Variants in NEGR1 observed in about 807,000 individuals in gnomAD.
NEGR1 encodes neuronal growth regulator 1, also known as IgLON family member 4.
A neutral mutation model predicts 40.9 loss-of-function variants in NEGR1; 10 were observed. The ratio of observed to expected loss-of-function variants is 0.24; its 90% CI spans 0.15 to 0.42. NEGR1 has a LOEUF of 0.42. NEGR1 is among the 10% of genes least tolerant of loss of function. NEGR1 has a pLI of 1.00. For missense variants in NEGR1, 352 were observed against 438.9 expected, an observed-to-expected ratio of 0.80 and a Z score of 1.77; for synonymous variants, 185 against 166.8, an observed-to-expected ratio of 1.11 and a Z score of -0.84.
chr1:71,939,328 C>T (rs1269259842), intron 1 of NEGR1, among the ~76,000 whole-genome samples: 2 of 152,116 alleles, frequency 1.3e-5, no homozygotes, highest in Admixed American at 6.6e-5. Context: ...CTGTCTCTTT[C>T]CACTAGAAGC....
chr1:71,959,550 C>T (rs1055508280), intron 1 of NEGR1, among the ~76,000 whole-genome samples: 1 of 152,030 alleles, frequency 6.6e-6, no homozygotes, highest in Non-Finnish European at 1.5e-5. Flanking sequence ...TCTGGACATA[C>T]TAGGTATAAT....
At chr1:72,278,443 G>A (rs527893550) in intron 1 of NEGR1, among the ~76,000 whole-genome samples, 7 of 152,174 alleles carry the variant, frequency 4.6e-5, no homozygotes, top group African/African-American at 9.6e-5. Context: ...GAGAATGTTC[G>A]TAGTATTGTT....
chr1:71,529,239 T>C (rs1647288591), intron 6 of NEGR1, among the ~76,000 whole-genome samples: 1 of 151,264 alleles, frequency 6.6e-6, no homozygotes. Flanking sequence ...CGAATTAATG[T>C]TTATTAAATG....
chr1:72,155,687 G>A (rs978947322), intron 1 of NEGR1, among the ~76,000 whole-genome samples: 1 of 151,920 alleles, frequency 6.6e-6, no homozygotes, highest in African/African-American at 2.4e-5. Flanking sequence ...ATCTTTACAG[G>A]CAGAATGATA....
intron 5 of NEGR1, among the ~76,000 whole-genome samples, chr1:71,604,161 A>G (rs1650009596): frequency 6.6e-6 from 1 of 152,108 alleles, no homozygotes; most frequent in Non-Finnish European, 1.5e-5. Context: ...TATATGTGCT[A>G]TCTAGCATTT....
chr1:71,880,251 T>C (rs1381509370), intron 2 of NEGR1, among the ~76,000 whole-genome samples: 3 of 151,990 alleles, frequency 2.0e-5, no homozygotes, highest in Non-Finnish European at 4.4e-5. Context: ...ATTTAAATAT[T>C]TTATTTATAT....
chr1:71,782,859 T>G (rs1046482143), intron 2 of NEGR1, among the ~76,000 whole-genome samples: 1 of 152,308 alleles, frequency 6.6e-6, no homozygotes, highest in East Asian at 1.9e-4. Context: ...GCATAATATT[T>G]TCTTAGTCCT....
At position 72,008,683 on chromosome 1, in the gene NEGR1, A is replaced by T. The variant is rs75356905; in HGVS notation, c.177-73372T>A. 6.3e-3 allele frequency among the ~76,000 whole-genome samples: 955 copies of T among 152,244 alleles called. 15 individuals carry two copies. The highest frequency in any genetic ancestry group is 0.022 in the African/African-American group (912 of 41,556). ...GTTTAGCCTTGGCCTATGTAATTAC[A>T]TTGGTACAACACCTTGAATAGTCCC... On this transcript the variant is annotated intron_variant, in intron 1 of 6. Coordinates refer to ENST00000357731, the MANE Select transcript of NEGR1 (RefSeq NM_173808.3).
intron 4 of NEGR1, among the ~76,000 whole-genome samples, chr1:71,617,381 T>C (rs911334328): frequency 3.3e-5 from 5 of 152,216 alleles, no homozygotes; most frequent in African/African-American, 9.7e-5. Flanking sequence ...GGTTGATGAA[T>C]CTACTGATGT....
rs182401570 is a variant in NEGR1, at chr1:72,071,991, T to C, written c.177-136680A>G. Among the ~76,000 whole-genome samples, 316 of 152,264 alleles carry C rather than the reference T, an allele frequency of 2.1e-3. 4 individuals are homozygous for C. The highest frequency in any genetic ancestry group is 7.5e-3 in the African/African-American group (310 of 41,566). On this transcript the variant is annotated intron_variant, in intron 1 of 6. Transcript: ENST00000357731. ...AAACTCCTCAGTTAGTCTTATTTCT[T>C]GTCAGTCACTTATGCAAAAAGCAAA...
chr1:71,865,502 G>T (rs1210028576), intron 2 of NEGR1, among the ~76,000 whole-genome samples: 1 of 152,004 alleles, frequency 6.6e-6, no homozygotes, highest in Non-Finnish European at 1.5e-5. Context: ...ACCAAACACC[G>T]CCTGTTCTCA....
intron 1 of NEGR1, among the ~76,000 whole-genome samples, chr1:72,091,873 G>A (rs1247650089): frequency 6.6e-6 from 1 of 152,050 alleles, no homozygotes; most frequent in Non-Finnish European, 1.5e-5. Context: ...ATAAGAAGCT[G>A]CCATCTCACT....
chr1:71,964,959 C>T (rs1225357473), intron 1 of NEGR1, among the ~76,000 whole-genome samples: 2 of 151,970 alleles, frequency 1.3e-5, no homozygotes, highest in Non-Finnish European at 2.9e-5. Flanking sequence ...AGATGATAAT[C>T]AATAATTGTT....
At chr1:71,833,414 T>C (rs1341075224) in intron 2 of NEGR1, among the ~76,000 whole-genome samples, 7 of 152,036 alleles carry the variant, frequency 4.6e-5, no homozygotes, top group Admixed American at 2.0e-4. Flanking sequence ...AAAAATTATA[T>C]ACTGTGAAAG....
chr1:71,916,887 T>G (rs1178343489), intron 2 of NEGR1, among the ~76,000 whole-genome samples: 1 of 152,236 alleles, frequency 6.6e-6, no homozygotes, highest in Non-Finnish European at 1.5e-5. Context: ...ATAGGTAGTG[T>G]TTTTATTCTG....
intron 1 of NEGR1, among the ~76,000 whole-genome samples, chr1:71,955,643 T>A (rs1479187992): frequency 6.6e-6 from 1 of 152,200 alleles, no homozygotes; most frequent in African/African-American, 2.4e-5. Flanking sequence ...CAGCAAATTT[T>A]ACTAGTTTTA....
chr1:72,028,759 C>T (rs1045930445), intron 1 of NEGR1, among the ~76,000 whole-genome samples: 2 of 152,098 alleles, frequency 1.3e-5, no homozygotes, highest in African/African-American at 4.8e-5. Context: ...TAAACTTTAC[C>T]ACTTTGTTTC....
chr1:71,674,666 C>A (rs976884262), intron 4 of NEGR1, among the ~76,000 whole-genome samples: 1 of 151,290 alleles, frequency 6.6e-6, no homozygotes, highest in African/African-American at 2.4e-5. Flanking sequence ...TGTGATGTTC[C>A]GGTTAGCTTT....
intron 2 of NEGR1, among the ~76,000 whole-genome samples, chr1:71,876,924 G>A (rs933911740): frequency 6.6e-6 from 1 of 152,046 alleles, no homozygotes; most frequent in African/African-American, 2.4e-5. Context: ...CTGAATTTTG[G>A]AGACTGGGTC....
Sources: allele counts gnomAD v4.1 joint callset (sites outside exome capture counted in the v4.1 genomes callset), GRCh38; gene constraint gnomAD v4.1.1; transcripts MANE v1.5; gene names NCBI Gene and HGNC (gene_info 2026-07-23, HGNC 2026-07-21).